Variants in DACH2 observed in about 807,000 individuals in gnomAD.
DACH2 encodes the protein dachshund homolog 2.
DACH2 carries 17 observed loss-of-function variants against 35.8 expected under a neutral mutation model. That is an observed-to-expected ratio of 0.48 (90% confidence interval 0.33 to 0.71). The LOEUF (loss-of-function observed/expected upper bound fraction) is 0.71. Ranked by LOEUF, DACH2 falls within the 30% of genes least tolerant of loss-of-function variation. The pLI is 0.02. For missense variants in DACH2, 469 were observed against 472.7 expected, an observed-to-expected ratio of 0.99 and a Z score of 0.07; for synonymous variants, 195 against 177.3, an observed-to-expected ratio of 1.10 and a Z score of -0.79.
intron 3 of DACH2, among the ~76,000 whole-genome samples, chrX:86,597,639 T>G (rs2148355148): frequency 9.0e-6 from 1 of 111,516 alleles, no homozygotes; most frequent in South Asian, 3.8e-4. Context: ...TTCCAATGGG[T>G]TTTGGTGGAG....
intron 1 of DACH2, among the ~76,000 whole-genome samples, chrX:86,152,167 T>A (rs1297525933): frequency 8.9e-6 from 1 of 111,840 alleles, no homozygotes; most frequent in Admixed American, 9.5e-5. Flanking sequence ...TAATATGTTG[T>A]TGAATGGAAG....
chrX:86,765,401 C>A (rs1415206733), intron 7 of DACH2, among the ~76,000 whole-genome samples: 1 of 111,091 alleles, frequency 9.0e-6, no homozygotes, highest in Non-Finnish European at 1.9e-5. Flanking sequence ...ATTGTGTTAA[C>A]TTTTATATAT....
chrX:86,510,845 CA>C (rs896447180), intron 2 of DACH2, among the ~76,000 whole-genome samples: 4 of 111,523 alleles, frequency 3.6e-5, no homozygotes, highest in Non-Finnish European at 7.5e-5. Context: ...TTACAGACTA[CA>C]AATAACCTTG....
intron 1 of DACH2, among the ~76,000 whole-genome samples, chrX:86,315,609 A>G (rs1215747100): frequency 8.9e-6 from 1 of 111,871 alleles, no homozygotes; most frequent in Non-Finnish European, 1.9e-5. Context: ...TTTGTGACTT[A>G]CAAGAGGAGG....
At chrX:86,583,603 T>A (rs1341470963) in intron 3 of DACH2, among the ~76,000 whole-genome samples, 2 of 110,332 alleles carry the variant, frequency 1.8e-5, no homozygotes, top group African/African-American at 6.6e-5. Flanking sequence ...TGCACTGTTT[T>A]TTTTTAAACC....
At chrX:86,759,574 T>TA (rs1221648495) in intron 7 of DACH2, among the ~76,000 whole-genome samples, 1,854 of 107,483 alleles carry the variant, frequency 0.017, 52 homozygotes, top group African/African-American at 0.057. Flanking sequence ...TTTTTTTTTT[T>TA]AAAAATCCAT....
intron 4 of DACH2, among the ~76,000 whole-genome samples, chrX:86,672,017 C>A (rs2040770728): frequency 1.8e-5 from 2 of 112,010 alleles, no homozygotes; most frequent in African/African-American, 6.5e-5. Context: ...GTCACTCTTG[C>A]TATGCTTTAG....
intron 1 of DACH2, among the ~76,000 whole-genome samples, chrX:86,282,968 C>T (rs1323953325): frequency 2.3e-5 from 1 of 44,026 alleles, no homozygotes; most frequent in Non-Finnish European, 3.4e-5. Context: ...TTAGTAGAGA[C>T]GGGGTTTCAC....
intron 2 of DACH2, among the ~76,000 whole-genome samples, chrX:86,511,103 C>T (rs1276809604): frequency 2.7e-5 from 3 of 111,361 alleles, no homozygotes; most frequent in Non-Finnish European, 5.7e-5. Context: ...TGAATATCTG[C>T]CTGATGCTAA....
At chrX:86,373,149 G>C (rs2035914601) in intron 1 of DACH2, among the ~76,000 whole-genome samples, 1 of 110,526 alleles carries the variant, frequency 9.0e-6, no homozygotes, top group South Asian at 3.8e-4. Flanking sequence ...GTTCATGTGT[G>C]TTTTTGGTAG....
At chrX:86,307,328 G>T (rs1011445237) in intron 1 of DACH2, among the ~76,000 whole-genome samples, 2 of 111,862 alleles carry the variant, frequency 1.8e-5, no homozygotes, top group Non-Finnish European at 3.8e-5. Flanking sequence ...GAAAGTGGTT[G>T]ACCTGCAATG....
intron 7 of DACH2, among the ~76,000 whole-genome samples, chrX:86,760,658 GCTT>G (rs1485662664): frequency 4.8e-4 from 53 of 111,372 alleles, no homozygotes; most frequent in African/African-American, 1.7e-3. Flanking sequence ...ATCTCACTGA[GCTT>G]CTTTAATATC....
chrX:86,346,683 C>T (rs769660300), intron 1 of DACH2, among the ~76,000 whole-genome samples: 1 of 111,593 alleles, frequency 9.0e-6, no homozygotes, highest in Admixed American at 9.6e-5. Context: ...CCCTTTTCCC[C>T]ATCCAAATTA....
intron 1 of DACH2, among the ~76,000 whole-genome samples, chrX:86,287,853 G>C (rs1268051918): frequency 8.9e-6 from 1 of 112,004 alleles, no homozygotes; most frequent in Non-Finnish European, 1.9e-5. Flanking sequence ...CTATCTAAAA[G>C]GTCACATATC....
rs141037338 is a variant in DACH2, at chrX:86,663,702, T to G, written c.772+12535T>G. 9.3e-3 allele frequency among the ~76,000 whole-genome samples: 1,038 copies of G among 112,033 alleles called. 14 individuals are homozygous for G. The highest frequency in any genetic ancestry group is 0.032 in the African/African-American group (995 of 30,912). ...ATTTAAGATGCCTAACTTCTCTTTC[T>G]TGGCAAAAAAAAAGAAGTTGTTCCT... On this transcript the variant is annotated intron_variant, in intron 4 of 11. Coordinates refer to ENST00000373125, the MANE Select transcript of DACH2 (RefSeq NM_053281.3).
intron 9 of DACH2, 79 bp downstream of exon 9, chrX:86,813,356 T>C: frequency 1.1e-6 from 1 of 939,571 alleles, no homozygotes. Flanking sequence ...TTCTCCAAGA[T>C]ATCTTGGAGG....
chrX:86,601,103 T>C (rs1432230381), intron 3 of DACH2, among the ~76,000 whole-genome samples: 2 of 110,979 alleles, frequency 1.8e-5, no homozygotes, highest in Non-Finnish European at 3.8e-5. Context: ...AAAGGGGGCT[T>C]TCTATATTCC....
At chrX:86,628,923 A>G (rs1307313920) in intron 3 of DACH2, among the ~76,000 whole-genome samples, 8 of 112,314 alleles carry the variant, frequency 7.1e-5, no homozygotes. Flanking sequence ...ATCTTTTAAC[A>G]AGTACAAAAC....
chrX:86,464,699 A>G (rs2037635261), intron 2 of DACH2, among the ~76,000 whole-genome samples: 1 of 111,847 alleles, frequency 8.9e-6, no homozygotes, highest in African/African-American at 3.2e-5. Context: ...AAAAAAATAA[A>G]AAATAAATAT....
Sources: gnomAD v4.1 joint callset for allele counts (sites outside exome capture counted in the v4.1 genomes callset) on GRCh38, gnomAD v4.1.1 for gene constraint, MANE v1.5 for transcripts, NCBI Gene and HGNC (gene_info 2026-07-23, HGNC 2026-07-21) for gene names.